Variants in FAM227B observed in about 807,000 individuals in gnomAD.
FAM227B encodes the protein protein FAM227B.
A neutral mutation model predicts 73.8 loss-of-function variants in FAM227B; 88 were observed. The observed-to-expected ratio is 1.19, with a 90% CI of 1.00 to 1.42. The LOEUF is 1.42. Ranked by LOEUF, FAM227B falls within the 40% of genes most tolerant of loss-of-function variation. The probability of loss-of-function intolerance (pLI) is 0.00; values close to 1 mark genes in which losing one functional copy is unlikely to be tolerated. For missense variants in FAM227B, 632 were observed against 590.9 expected (o/e 1.07, Z -0.72); for synonymous variants, 210 against 190.5 (o/e 1.10, Z -0.84).
At chr15:49,586,044 G>C (rs981439242) in intron 5 of FAM227B, among the ~76,000 whole-genome samples, 3 of 151,804 alleles carry the variant, frequency 2.0e-5, no homozygotes, top group African/African-American at 7.3e-5. Context: ...AAATTCATAT[G>C]GAACCAAAAA....
At chr15:49,488,348 G>C (rs1363384529) in intron 11 of FAM227B, 3 of 151,930 alleles carry the variant, frequency 2.0e-5, no homozygotes. Flanking sequence ...TGTTCCTTCA[G>C]GGACACATAT....
intron 11 of FAM227B, among the ~76,000 whole-genome samples, chr15:49,371,966 A>AAATAAAATTCACTTATAAATC (rs1596651891): frequency 1.9e-4 from 18 of 92,390 alleles, no homozygotes; most frequent in African/African-American, 1.0e-3. Context: ...ACTTATAAAT[A>AAATAAAATTCACTTATAAATC]AATGAAATAA....
chr15:49,552,260 T>G (rs1417863665), intron 9 of FAM227B, among the ~76,000 whole-genome samples: 1 of 152,228 alleles, frequency 6.6e-6, no homozygotes, highest in Non-Finnish European at 1.5e-5. Flanking sequence ...GATATACTAC[T>G]TTGGGTAAAT....
At chr15:49,499,990 G>C (rs1445794489) in intron 11 of FAM227B, among the ~76,000 whole-genome samples, 1 of 152,100 alleles carries the variant, frequency 6.6e-6, no homozygotes, top group Non-Finnish European at 1.5e-5. Context: ...TTAAAAAATT[G>C]ATAAATGGGT....
At chr15:49,600,969 G>A (rs550329800) in intron 3 of FAM227B, among the ~76,000 whole-genome samples, 1 of 149,562 alleles carries the variant, frequency 6.7e-6, no homozygotes, top group Admixed American at 6.7e-5. Flanking sequence ...TTGAATCTAG[G>A]AGGCAGAGGT....
At chr15:49,592,483 G>A (rs997302137) in intron 3 of FAM227B, among the ~76,000 whole-genome samples, 2 of 152,168 alleles carry the variant, frequency 1.3e-5, no homozygotes, top group African/African-American at 4.8e-5. Flanking sequence ...GTTTGCCTGG[G>A]TATCACCAGC....
intron 11 of FAM227B, among the ~76,000 whole-genome samples, chr15:49,468,811 C>T (rs1373509018): frequency 6.6e-6 from 1 of 152,186 alleles, no homozygotes; most frequent in Non-Finnish European, 1.5e-5. Flanking sequence ...CCAATACTAG[C>T]ACTGACAAAA....
At chr15:49,588,853 GTTAAT>G (rs1028178414) in intron 4 of FAM227B, among the ~76,000 whole-genome samples, 21 of 151,058 alleles carry the variant, frequency 1.4e-4, no homozygotes, top group South Asian at 8.4e-4. Flanking sequence ...TTTTTAAAAA[GTTAAT>G]TTAATAGAAG....
At chr15:49,607,110 C>A (rs2077568908) in intron 3 of FAM227B, among the ~76,000 whole-genome samples, 1 of 152,076 alleles carries the variant, frequency 6.6e-6, no homozygotes, top group Non-Finnish European at 1.5e-5. Context: ...TTGGTCTGTT[C>A]CATCTCCTTT....
chr15:49,439,305 A>G (rs895739269), intron 11 of FAM227B, among the ~76,000 whole-genome samples: 5 of 151,518 alleles, frequency 3.3e-5, no homozygotes, highest in African/African-American at 1.2e-4. Context: ...GGAGGGAGAA[A>G]GAGAGAGAGA....
At chr15:49,376,427 C>G (rs1474847115) in intron 11 of FAM227B, among the ~76,000 whole-genome samples, 1 of 151,984 alleles carries the variant, frequency 6.6e-6, no homozygotes, top group Non-Finnish European at 1.5e-5. Context: ...ATCAATGACC[C>G]ATGAATGTGA....
At chr15:49,360,867 G>A (rs894436336) in intron 13 of FAM227B, among the ~76,000 whole-genome samples, 7 of 152,090 alleles carry the variant, frequency 4.6e-5, no homozygotes, top group African/African-American at 7.2e-5. Context: ...GCACTCCTGT[G>A]ATGTGAAATT....
At chr15:49,432,644 TA>T (rs1362512064) in intron 11 of FAM227B, among the ~76,000 whole-genome samples, 1 of 151,566 alleles carries the variant, frequency 6.6e-6, no homozygotes, top group Non-Finnish European at 1.5e-5. Flanking sequence ...TTGAATCAAA[TA>T]AAAAAACTAT....
intron 8 of FAM227B, among the ~76,000 whole-genome samples, chr15:49,570,876 C>T (rs2075047676): frequency 6.8e-6 from 1 of 146,512 alleles, no homozygotes. Context: ...ATTACATATG[C>T]ATTTATATAA....
intron 13 of FAM227B, among the ~76,000 whole-genome samples, chr15:49,355,647 C>T (rs982245234): frequency 1.3e-5 from 2 of 151,946 alleles, no homozygotes; most frequent in Non-Finnish European, 2.9e-5. Context: ...GAGAATGGAA[C>T]CAAGTTGGAA....
At chr15:49,520,976 G>T (rs1204955126) in intron 10 of FAM227B, among the ~76,000 whole-genome samples, 1 of 152,156 alleles carries the variant, frequency 6.6e-6, no homozygotes, top group African/African-American at 2.4e-5. Flanking sequence ...CCACTGAATT[G>T]TCAGAGTCCC....
chr15:49,595,381 T>C (rs2076829446), intron 3 of FAM227B, among the ~76,000 whole-genome samples: 1 of 151,870 alleles, frequency 6.6e-6, no homozygotes, highest in Admixed American at 6.6e-5. Flanking sequence ...TATAATCATA[T>C]CAACAGTGAA....
At chr15:49,521,036 C>T (rs559863871) in intron 10 of FAM227B, among the ~76,000 whole-genome samples, 18 of 152,278 alleles carry the variant, frequency 1.2e-4, no homozygotes, top group African/African-American at 3.4e-4. Context: ...ATGGGAACTT[C>T]CTGGGGGTAC....
At chr15:49,509,378 T>C (rs1426131025) in intron 10 of FAM227B, among the ~76,000 whole-genome samples, 1 of 152,174 alleles carries the variant, frequency 6.6e-6, no homozygotes, top group Non-Finnish European at 1.5e-5. Flanking sequence ...AAATACATGG[T>C]TAATACTGTC....
Sources: gnomAD v4.1 joint callset for allele counts (sites outside exome capture counted in the v4.1 genomes callset) on GRCh38, gnomAD v4.1.1 for gene constraint, MANE v1.5 for transcripts, NCBI Gene and HGNC (gene_info 2026-07-23, HGNC 2026-07-21) for gene names.